The following ATP6V0A4 variants were observed in gnomAD, a reference collection of about 807,000 sequenced individuals.
ATP6V0A4 encodes the protein ATPase H+ transporting V0 subunit a4.
A neutral mutation model predicts 107.3 loss-of-function variants in ATP6V0A4; 86 were observed. That is an observed-to-expected ratio of 0.80 (90% CI 0.67 to 0.96). The LOEUF is 0.96. ATP6V0A4 is among the 40% of genes least tolerant of loss of function. The pLI is 0.00. For missense variants in ATP6V0A4, 908 were observed against 1,045.6 expected, an observed-to-expected ratio of 0.87 and a Z score of 1.81; for synonymous variants, 353 against 381.4, an observed-to-expected ratio of 0.93 and a Z score of 0.87.
chr7:138,710,036 T>C (rs1042714969), intron 20 of ATP6V0A4, among the ~76,000 whole-genome samples: 2 of 151,858 alleles, frequency 1.3e-5, no homozygotes, highest in Admixed American at 6.6e-5. Context: ...ATTTTATTAT[T>C]ATTTTTTGAG....
chr7:138,756,636 C>T (rs1468294501), intron 8 of ATP6V0A4, 96 bp from the exon 9 acceptor site: 1 of 1,450,880 alleles, frequency 6.9e-7, no homozygotes, highest in African/African-American at 1.4e-5. Context: ...TAGGCTTACA[C>T]AATTCATACA....
chr7:138,768,447 C>T (rs748332277), intron 5 of ATP6V0A4, among the ~76,000 whole-genome samples: 3 of 152,142 alleles, frequency 2.0e-5, no homozygotes, highest in Non-Finnish European at 4.4e-5. Context: ...TGCCCACACT[C>T]AGCCCATTCA....
intron 18 of ATP6V0A4, among the ~76,000 whole-genome samples, chr7:138,722,454 C>G (rs1804469457): frequency 6.6e-6 from 1 of 151,990 alleles, no homozygotes; most frequent in Non-Finnish European, 1.5e-5. Context: ...CACTTGAGGT[C>G]AGGAGTCCAA....
intron 2 of ATP6V0A4, among the ~76,000 whole-genome samples, chr7:138,784,932 C>T (rs909940904): frequency 2.0e-5 from 3 of 152,150 alleles, no homozygotes; most frequent in Non-Finnish European, 2.9e-5. Context: ...ATTCCACTTA[C>T]GTGCCTTTAA....
intron 20 of ATP6V0A4, among the ~76,000 whole-genome samples, chr7:138,710,645 C>T (rs779370335): frequency 2.2e-4 from 34 of 152,096 alleles, no homozygotes; most frequent in Non-Finnish European, 4.4e-4. Flanking sequence ...TTTCAAAAAA[C>T]GTTTAGCTAA....
Position 138,779,356 on chromosome 7 carries a change from A to T in ATP6V0A4, c.-18+6802T>A, listed in dbSNP as rs550777373. On this transcript the variant is annotated intron_variant, in intron 2 of 21. Coordinates refer to ENST00000310018, the MANE Select transcript of ATP6V0A4 (RefSeq NM_020632.3). ...AAGTGAGACCCTATCTTAAAAAAAA[A>T]TAAATAAATAAAAGATTGTAATATT... is the stretch of plus-strand genomic sequence containing the variant. 5.8e-4 allele frequency among the ~76,000 whole-genome samples: 86 copies of T among 149,194 alleles called. 1 individual carries two copies. The South Asian group carries it at 8.3e-3, about 14-fold the overall frequency.
rs749330950 is a variant in ATP6V0A4, at chr7:138,715,918, A to G, written c.2140-37T>C. 8.1e-6 allele frequency: 13 copies of G among 1,608,186 alleles called. No homozygotes were observed. The South Asian group carries it at 1.4e-4, about 18-fold the overall frequency. On this transcript the variant is annotated intron_variant, in intron 19 of 21. Coordinates refer to ENST00000310018, the MANE Select transcript of ATP6V0A4 (RefSeq NM_020632.3). ...AATTGTTTATTTTACTTCATTGAGA[A>G]TTTTCTACACAAAAGTTATTCCAAA...
At chr7:138,739,921 T>TCCTGGA (rs1006666598) in intron 14 of ATP6V0A4, among the ~76,000 whole-genome samples, 1 of 151,914 alleles carries the variant, frequency 6.6e-6, no homozygotes, top group African/African-American at 2.4e-5. Flanking sequence ...GGTGGGAGGA[T>TCCTGGA]CCCTTAAGTC....
At chr7:138,728,305 C>G (rs185259693) in intron 18 of ATP6V0A4, among the ~76,000 whole-genome samples, 1 of 150,020 alleles carries the variant, frequency 6.7e-6, no homozygotes, top group East Asian at 2.0e-4. Context: ...TCACCGCAAT[C>G]TCCCCCACCA....
At chr7:138,795,312 T>A (rs1338035869) in intron 1 of ATP6V0A4, among the ~76,000 whole-genome samples, 1 of 152,066 alleles carries the variant, frequency 6.6e-6, no homozygotes, top group Non-Finnish European at 1.5e-5. Flanking sequence ...AATGATAAAA[T>A]AGGGAGGGAG....
At chr7:138,726,770 C>T (rs1584902124) in intron 18 of ATP6V0A4, among the ~76,000 whole-genome samples, 2 of 152,228 alleles carry the variant, frequency 1.3e-5, no homozygotes, top group East Asian at 3.9e-4. Flanking sequence ...GCCAAGGGAA[C>T]AGGCCTCCAC....
chr7:138,717,537 CTG>C (rs780532941), intron 19 of ATP6V0A4, among the ~76,000 whole-genome samples: 199 of 149,322 alleles, frequency 1.3e-3, no homozygotes, highest in African/African-American at 4.4e-3. Flanking sequence ...GAGTGAGACT[CTG>C]TCTAAAAAAA....
chr7:138,763,186 GACACAC>G (rs3832464), intron 5 of ATP6V0A4, 161 bp from the exon 6 acceptor site: 51 of 262,838 alleles, frequency 1.9e-4, no homozygotes, highest in Non-Finnish European at 2.6e-4. Flanking sequence ...GACACACACA[GACACAC>G]ACACACACAC....
At chr7:138,756,015 C>G (rs2117299321) in intron 9 of ATP6V0A4, 2 of 702,552 alleles carry the variant, frequency 2.8e-6, no homozygotes, top group Non-Finnish European at 4.6e-6. Context: ...TCATTCAAAC[C>G]ATAAAACCTG....
intron 14 of ATP6V0A4, among the ~76,000 whole-genome samples, chr7:138,740,244 G>C (rs1005858774): frequency 1.3e-5 from 2 of 152,012 alleles, no homozygotes; most frequent in African/African-American, 4.8e-5. Flanking sequence ...CCAGCCCAGG[G>C]ACATGCTTGG....
chr7:138,730,452 C>T (rs1337917378), intron 17 of ATP6V0A4, among the ~76,000 whole-genome samples: 1 of 150,376 alleles, frequency 6.6e-6, no homozygotes, highest in Non-Finnish European at 1.5e-5. Flanking sequence ...ACTTGTATTG[C>T]CTCTTCCAGC....
chr7:138,711,168 CA>C (rs1054908074), intron 20 of ATP6V0A4, among the ~76,000 whole-genome samples: 1 of 152,012 alleles, frequency 6.6e-6, no homozygotes, highest in Non-Finnish European at 1.5e-5. Flanking sequence ...CTTACATGCC[CA>C]TGGAGTCTCT....
intron 1 of ATP6V0A4, among the ~76,000 whole-genome samples, chr7:138,787,249 C>T (rs1808214361): frequency 6.6e-6 from 1 of 152,208 alleles, no homozygotes; most frequent in African/African-American, 2.4e-5. Flanking sequence ...CCTTTCTGGG[C>T]ATCACGTATC....
chr7:138,730,071 G>A (rs1000677329), intron 17 of ATP6V0A4, among the ~76,000 whole-genome samples: 11 of 152,032 alleles, frequency 7.2e-5, no homozygotes, highest in Non-Finnish European at 1.6e-4. Flanking sequence ...TTTTTAGTCG[G>A]GACGGGGTTT....
Sources: allele counts gnomAD v4.1 joint callset (sites outside exome capture counted in the v4.1 genomes callset), GRCh38; gene constraint gnomAD v4.1.1; transcripts MANE v1.5; gene names NCBI Gene and HGNC (gene_info 2026-07-23, HGNC 2026-07-21).